Variants in DSTYK observed in about 807,000 individuals in gnomAD.
The protein encoded by DSTYK is RIP-homologous kinase.
A neutral mutation model predicts 98.7 loss-of-function variants in DSTYK; 34 were observed. That is an observed-to-expected ratio of 0.34 (90% CI 0.26 to 0.46). The LOEUF (loss-of-function observed/expected upper bound fraction) is 0.46, where lower values mean the gene tolerates loss of function less well. DSTYK is among the 20% of genes least tolerant of loss of function. The pLI, the probability that DSTYK is intolerant of heterozygous loss-of-function variation, is 1.00. For synonymous variants in DSTYK, 462 were observed against 457.3 expected (o/e 1.01, Z -0.13); for missense variants, 962 against 1,181.7 (o/e 0.81, Z 2.73).
intron 10 of DSTYK, among the ~76,000 whole-genome samples, chr1:205,152,420 A>G (rs6703574): frequency 0.81 from 122,642 of 152,172 alleles, 50,605 homozygotes; most frequent in East Asian, 0.97. Flanking sequence ...CAGGTGATCA[A>G]CCTGCCTCGG....
In DSTYK at chr1:205,150,701, T is replaced by C; in HGVS notation, c.2446A>G (p.Met816Val). Residue 816 changes from methionine (M) to valine (V), a missense_variant, in exon 11 of 13, where the codon ATG becomes GTG. Physicochemically the swap from Met to Val is conservative, Grantham distance 21. This residue lies in a region of DSTYK where 69 missense variants were observed against 142.9 expected (regional missense o/e 0.48). Coordinates refer to ENST00000367162, the MANE Select transcript of DSTYK (RefSeq NM_015375.3). This position sits in a 1 kb window ranked among gnomAD's most constrained non-coding sequence, Gnocchi z 4.1. ...SGSIVGTPIH[M>V]APELFTGKYD... ...TTACCTGTGAAAAGTTCAGGGGCCA[T>C]ATGGATTGGTGTCCCCACAATGCTG... 1 of 1,613,894 alleles carries C rather than the reference T, an allele frequency of 6.2e-7. No homozygotes were observed. Among genetic ancestry groups the C allele is most frequent in the Non-Finnish European group, 8.5e-7 (1 of 1,179,944 alleles).
intron 5 of DSTYK, 145 bp from the exon 6 acceptor site, chr1:205,162,357 C>A: frequency 1.1e-6 from 1 of 945,350 alleles, no homozygotes. Context: ...AGTTCCTTTC[C>A]AATTCCATCT....
chr1:205,160,411 C>T, intron 7 of DSTYK, 141 bp from the exon 8 acceptor site: 1 of 751,608 alleles, frequency 1.3e-6, no homozygotes, highest in Non-Finnish European at 2.1e-6. Flanking sequence ...TCTCTGCTCA[C>T]TGCAACCTCT....
rs6680800 is a variant in DSTYK, at chr1:205,208,107, C to T, written c.265+3164G>A. ...GTTGGCCAGGCTGGTCTCCAACTCCCAACCTCAGGTGATCCACCCACCTCA... is the reference window on the plus strand; with the variant it reads ...GTTGGCCAGGCTGGTCTCCAACTCCTAACCTCAGGTGATCCACCCACCTCA... On this transcript the variant is annotated intron_variant, in intron 1 of 12. Coordinates refer to ENST00000367162, the MANE Select transcript of DSTYK (RefSeq NM_015375.3). Among the ~76,000 whole-genome samples, 4 of 152,102 alleles carry T rather than the reference C, an allele frequency of 2.6e-5. No homozygotes were observed. In the South Asian group the frequency reaches 8.3e-4, roughly 32 times the overall value.
At chr1:205,186,577 T>A (rs1422846835) in intron 2 of DSTYK, among the ~76,000 whole-genome samples, 2 of 152,156 alleles carry the variant, frequency 1.3e-5, no homozygotes, top group Non-Finnish European at 2.9e-5. Context: ...CCTGGCACAG[T>A]TAACCAAGAG....
chr1:205,177,509 T>C (rs1307089857), intron 2 of DSTYK, among the ~76,000 whole-genome samples: 2 of 152,212 alleles, frequency 1.3e-5, no homozygotes, highest in Non-Finnish European at 2.9e-5. Context: ...CCCTGAACCA[T>C]CACTCTTAAA....
At position 205,162,082 on chromosome 1, in the gene DSTYK, G is replaced by C. The variant is rs766961895; in HGVS notation, c.1772C>G (p.Thr591Ser). Residue 591 changes from threonine to serine, a missense_variant, in exon 6 of 13, where the codon ACT (threonine) becomes AGT (serine). Transcript: ENST00000367162. ...AGCCTCGTGGGAACTATTGAGCCGA[G>C]TCCGGAATTGGCTGCAAATGCTCTT... ...LAKSICSQFR[T>S]RLNSSHEAFA... The C allele has an allele frequency of 2.5e-6, 4 of 1,614,136 alleles. No homozygotes were observed. In the South Asian group the frequency reaches 3.3e-5, roughly 13 times the overall value.
At chr1:205,160,017 G>T in intron 8 of DSTYK, 97 bp downstream of exon 8, 1 of 1,403,326 alleles carries the variant, frequency 7.1e-7, no homozygotes, top group South Asian at 1.2e-5. Flanking sequence ...ACTAAATATA[G>T]AGAGGCCATG....
Position 205,202,587 on chromosome 1 carries a change from T to A in DSTYK, c.265+8684A>T, listed in dbSNP as rs933853533. 2.6e-5 allele frequency: 27 copies of A among 1,039,054 alleles called. No individual in the cohort carries two copies. In the African/African-American group the frequency reaches 3.1e-4, roughly 12 times the overall value. 64.4% of individuals were successfully genotyped at this position (1,039,054 alleles called of 1,614,324 possible). On this transcript the variant is annotated intron_variant, in intron 1 of 12. Transcript: ENST00000367162. ...TGCGCCGCTGGACCTGCAGAGCTCA[T>A]GGTCGGATTAACCCATACGTGAGCT...
rs56147706 is a variant in DSTYK, at chr1:205,159,623, T to C, written c.2162A>G (p.Asn721Ser). 5.6e-6 allele frequency: 9 copies of C among 1,613,642 alleles called. No homozygotes were observed. Among genetic ancestry groups the C allele is most frequent in the Non-Finnish European group, 5.9e-6 (7 of 1,179,936 alleles). ...VDLHGSVIDY[N>S]YGGGSSIAVL... is the part of the protein sequence containing the mutation. ...AGCAATGCTGGAGCCACCACCATAG[T>C]TGTAGTCAATGACTGAACCATGGAG... The change falls in exon 9 of 13, where the codon AAC (asparagine) becomes AGC (serine). Residue 721 changes from asparagine to serine, a missense_variant. By Grantham distance (46) the Asn-to-Ser change is conservative (BLOSUM62 1). Coordinates refer to ENST00000367162, the MANE Select transcript of DSTYK (RefSeq NM_015375.3).
chr1:205,202,171 G>C (rs749426756), intron 1 of DSTYK: 7 of 552,180 alleles, frequency 1.3e-5, no homozygotes, highest in Non-Finnish European at 2.2e-5. Context: ...CCCCTACGTG[G>C]CCTGAGGTAA....
rs1415069825 is a variant in DSTYK at position 205,144,761 on chromosome 1, T to C, written c.*2797A>G. 1.3e-5 allele frequency: 2 copies of C among 152,198 alleles called. No individual in the cohort carries two copies. Among genetic ancestry groups the C allele is most frequent in the African/African-American group, 4.8e-5 (2 of 41,448 alleles). 9.4% of individuals were successfully genotyped at this position (152,198 alleles called of 1,614,324 possible). A position where few individuals can be genotyped will look rare whatever the true frequency, so the allele number is the denominator to read the frequency against. ...ACAACTACTCATCTCCTTACTTATA[T>C]CAGTCCCTCCCTTCCACCCTCCCCA... On this transcript the variant is annotated 3_prime_UTR_variant, in exon 13 of 13. Coordinates refer to ENST00000367162, the MANE Select transcript of DSTYK (RefSeq NM_015375.3).
At position 205,194,958 on chromosome 1, in the gene DSTYK, G is replaced by A. The variant is rs147983769; in HGVS notation, c.266-7152C>T. ...AGTGATTCTCGTGCCTCAGCCTCCC[G>A]AGTAGCAGGGACTACAGGCAAGTGC... On this transcript the variant is annotated intron_variant, in intron 1 of 12. Coordinates refer to ENST00000367162, the MANE Select transcript of DSTYK (RefSeq NM_015375.3). 4.0e-5 allele frequency among the ~76,000 whole-genome samples: 6 copies of A among 150,790 alleles called. No homozygotes were observed. The East Asian group carries it at 7.8e-4, about 20-fold the overall frequency.
chr1:205,168,480 AG>A (rs1657954257), intron 3 of DSTYK, among the ~76,000 whole-genome samples: 1 of 152,174 alleles, frequency 6.6e-6, no homozygotes, highest in South Asian at 2.1e-4. Context: ...AGTGGTCTTG[AG>A]CATGTGTATT....
chr1:205,170,315 G>A (rs1201799831), intron 2 of DSTYK, among the ~76,000 whole-genome samples: 1 of 152,136 alleles, frequency 6.6e-6, no homozygotes, highest in African/African-American at 2.4e-5. Flanking sequence ...CAATGTATAT[G>A]TTATGACATA....
chr1:205,209,330 T>C (rs1271908480), intron 1 of DSTYK, among the ~76,000 whole-genome samples: 4 of 152,338 alleles, frequency 2.6e-5, no homozygotes, highest in South Asian at 2.1e-4. Context: ...AGCACTGTTA[T>C]GGGTGCGGGT....
At chr1:205,200,601 T>C (rs1028618023) in intron 1 of DSTYK, among the ~76,000 whole-genome samples, 2 of 152,226 alleles carry the variant, frequency 1.3e-5, no homozygotes, top group East Asian at 3.8e-4. Flanking sequence ...GGGAGAGACA[T>C]GATGAAACAC....
At chr1:205,208,484 C>G (rs933717167) in intron 1 of DSTYK, among the ~76,000 whole-genome samples, 6 of 152,214 alleles carry the variant, frequency 3.9e-5, no homozygotes, top group Non-Finnish European at 7.3e-5. Context: ...CAGTTCCATT[C>G]TGAAGTGATG....
rs373780579 is a variant in DSTYK at position 205,187,714 on chromosome 1, C to T, written c.358G>A (p.Asp120Asn). 9 of 1,614,078 alleles carry T rather than the reference C, an allele frequency of 5.6e-6. No homozygotes were observed. Among genetic ancestry groups the T allele is most frequent in the Non-Finnish European group, 6.8e-6 (8 of 1,180,046 alleles). The part of the protein sequence containing the change: ...CLPCILILGQ[D>N]CNVKCQLLNL... ...AACAGCTGGCACTTGACGTTACAAT[C>T]CTGGCCGAGGATCAGTATGCAAGGG... The change falls in exon 2 of 13, where the codon GAT becomes AAT. Residue 120 changes from aspartate (D) to asparagine (N), a missense_variant. Asp to Asn is a conservative substitution (Grantham distance 23). Transcript: ENST00000367162.
Sources: gnomAD v4.1 joint callset for allele counts (sites outside exome capture counted in the v4.1 genomes callset) on GRCh38, gnomAD v4.1.1 for gene constraint, gnomAD v4.1.1 regional missense constraint, Gnocchi (gnomAD v3.1) non-coding constraint, MANE v1.5 for transcripts, NCBI Gene and HGNC (gene_info 2026-07-23, HGNC 2026-07-21) for gene names.